The following BCKDHB variants were observed in gnomAD, a reference collection of about 807,000 sequenced individuals.
The protein encoded by BCKDHB is branched chain keto acid dehydrogenase E1 subunit beta.
Under a neutral mutation model 48.5 loss-of-function variants are expected in BCKDHB, and 41 were observed. The ratio of observed to expected loss-of-function variants is 0.85; its 90% confidence interval spans 0.66 to 1.10. The LOEUF is 1.10. BCKDHB is among the 50% of genes least tolerant of loss of function. The pLI is 0.00. For missense variants in BCKDHB, 496 were observed against 494.2 expected (o/e 1.00, Z -0.03); for synonymous variants, 201 against 174.8 (o/e 1.15, Z -1.18).
chr6:80,343,532 A>C, intron 9 of BCKDHB, 132 bp from the exon 10 acceptor site: 1 of 991,928 alleles, frequency 1.0e-6, no homozygotes, highest in Non-Finnish European at 1.5e-6. Flanking sequence ...TTCATATTAC[A>C]GTATACTTAA....
intron 9 of BCKDHB, among the ~76,000 whole-genome samples, chr6:80,296,974 G>T (rs1393231145): frequency 6.6e-6 from 1 of 152,102 alleles, no homozygotes; most frequent in East Asian, 1.9e-4. Flanking sequence ...GTTTTTAGTA[G>T]TCTCAATTAT....
intron 8 of BCKDHB, among the ~76,000 whole-genome samples, chr6:80,224,042 A>G (rs1775573946): frequency 6.6e-6 from 1 of 152,342 alleles, no homozygotes; most frequent in Non-Finnish European, 1.5e-5. Flanking sequence ...TGACAACCTC[A>G]GTTTCCATGT....
chr6:80,230,305 TG>T (rs2038852161), intron 8 of BCKDHB, among the ~76,000 whole-genome samples: 2 of 152,050 alleles, frequency 1.3e-5, no homozygotes, highest in African/African-American at 2.4e-5. Flanking sequence ...CCCAAAGTGC[TG>T]GGATTACAGG....
the BCKDHB span, among the ~76,000 whole-genome samples, chr6:80,458,604 G>A: frequency 5.3e-5 from 8 of 152,138 alleles, no homozygotes; most frequent in African/African-American, 1.9e-4. Context: ...CATGTATCAA[G>A]CATGTGTAAT....
the BCKDHB span, among the ~76,000 whole-genome samples, chr6:80,410,815 A>G: frequency 6.6e-6 from 1 of 152,154 alleles, no homozygotes; most frequent in Non-Finnish European, 1.5e-5. Context: ...GTTCTTCTCT[A>G]CACTGTTTAT....
intron 9 of BCKDHB, among the ~76,000 whole-genome samples, chr6:80,312,177 T>C (rs770312787): frequency 6.6e-6 from 1 of 152,206 alleles, no homozygotes; most frequent in Non-Finnish European, 1.5e-5. Flanking sequence ...TTTTATTCTT[T>C]TTATGGCAAT....
chr6:80,285,420 G>T (rs3793000), intron 9 of BCKDHB, among the ~76,000 whole-genome samples: 1 of 151,896 alleles, frequency 6.6e-6, no homozygotes, highest in South Asian at 2.1e-4. Context: ...TAAAACCCGT[G>T]TACTTTATAA....
intron 2 of BCKDHB, among the ~76,000 whole-genome samples, chr6:80,128,242 C>T (rs1434687832): frequency 6.6e-6 from 1 of 151,896 alleles, no homozygotes; most frequent in Non-Finnish European, 1.5e-5. Context: ...TTCCACCTTC[C>T]ACCTGATAAT....
chr6:80,116,986 A>G (rs1769740559), intron 1 of BCKDHB, among the ~76,000 whole-genome samples: 1 of 152,110 alleles, frequency 6.6e-6, no homozygotes, highest in African/African-American at 2.4e-5. Flanking sequence ...AGAATAAATA[A>G]CTCTAAGGAA....
chr6:80,213,426 G>A (rs1430790412), intron 8 of BCKDHB, among the ~76,000 whole-genome samples: 1 of 152,106 alleles, frequency 6.6e-6, no homozygotes, highest in Non-Finnish European at 1.5e-5. Flanking sequence ...TAAGACATGA[G>A]TTTTATGGAT....
intron 9 of BCKDHB, among the ~76,000 whole-genome samples, chr6:80,328,188 T>C (rs1769138073): frequency 1.3e-5 from 2 of 152,160 alleles, no homozygotes. Flanking sequence ...AGGTAAACTT[T>C]GATTTGTTGA....
intron 9 of BCKDHB, among the ~76,000 whole-genome samples, chr6:80,319,503 G>GT (rs1768604224): frequency 6.6e-6 from 1 of 152,152 alleles, no homozygotes. Context: ...TATGAAACAA[G>GT]TTTTTTAATT....
chr6:80,251,080 T>C (rs1405381336), intron 8 of BCKDHB, among the ~76,000 whole-genome samples: 1 of 152,192 alleles, frequency 6.6e-6, no homozygotes, highest in Non-Finnish European at 1.5e-5. Context: ...AGTTAAGTCA[T>C]TTAACTTTGT....
intron 6 of BCKDHB, among the ~76,000 whole-genome samples, chr6:80,190,829 T>C (rs1373809910): frequency 6.6e-6 from 1 of 152,150 alleles, no homozygotes; most frequent in Non-Finnish European, 1.5e-5. Flanking sequence ...TGAGTTTCAT[T>C]AGAGGGTGGG....
chr6:80,141,203 T>G (rs531507500), intron 3 of BCKDHB, among the ~76,000 whole-genome samples: 57 of 152,200 alleles, frequency 3.7e-4, no homozygotes, highest in African/African-American at 1.2e-3. Context: ...TTTTCTTCTT[T>G]ATTAGTCTTG....
chr6:80,201,834 T>C (rs961200110), intron 7 of BCKDHB, among the ~76,000 whole-genome samples: 2 of 152,202 alleles, frequency 1.3e-5, no homozygotes, highest in Non-Finnish European at 2.9e-5. Flanking sequence ...TTTTTCTGTA[T>C]AAAGGAAATC....
the BCKDHB span, chr6:80,441,074 A>G: frequency 2.6e-5 from 4 of 152,188 alleles, no homozygotes; most frequent in African/African-American, 9.7e-5. Context: ...CTGAAACTAA[A>G]GGTCATTCCA....
intron 9 of BCKDHB, among the ~76,000 whole-genome samples, chr6:80,318,138 C>T (rs1254197412): frequency 6.6e-6 from 1 of 152,138 alleles, no homozygotes; most frequent in African/African-American, 2.4e-5. Flanking sequence ...TGTAGCTTTC[C>T]TCTATAAAGA....
chr6:80,272,655 C>A (rs1277721611), intron 8 of BCKDHB, among the ~76,000 whole-genome samples: 2 of 152,138 alleles, frequency 1.3e-5, no homozygotes, highest in African/African-American at 4.8e-5. Flanking sequence ...GGATTTCTTA[C>A]TGCCAAATTT....
Sources: gnomAD v4.1 joint callset for allele counts (sites outside exome capture counted in the v4.1 genomes callset) on GRCh38, gnomAD v4.1.1 for gene constraint, MANE v1.5 for transcripts, NCBI Gene and HGNC (gene_info 2026-07-23, HGNC 2026-07-21) for gene names.